NRXN3: variants seen among roughly 807,000 people sequenced by gnomAD.
NRXN3 encodes neurexin 3.
Under a neutral mutation model 137.6 loss-of-function variants are expected in NRXN3, and 32 were observed. The ratio of observed to expected loss-of-function variants is 0.23; its 90% CI spans 0.18 to 0.31. The LOEUF is 0.31. Among genes scored for constraint, NRXN3 ranks in the 10% least tolerant of loss-of-function variants. The pLI is 1.00. For synonymous variants in NRXN3, 798 were observed against 784.5 expected, an observed-to-expected ratio of 1.02 and a Z score of -0.29; for missense variants, 1,574 against 2,062.5, an observed-to-expected ratio of 0.76 and a Z score of 4.59.
chr14:78,886,324 T>C (rs1362051250), intron 10 of NRXN3, among the ~76,000 whole-genome samples: 2 of 152,134 alleles, frequency 1.3e-5, no homozygotes, highest in African/African-American at 4.8e-5. Context: ...TGTTCATTTG[T>C]CTCATCCATT....
intron 8 of NRXN3, among the ~76,000 whole-genome samples, chr14:78,765,673 G>A (rs907067366): frequency 2.0e-5 from 3 of 152,050 alleles, no homozygotes; most frequent in Non-Finnish European, 4.4e-5. Flanking sequence ...AGTAGAGTGA[G>A]TTTACTGGTT....
At chr14:78,926,916 ATAT>A (rs1160228116) in intron 10 of NRXN3, among the ~76,000 whole-genome samples, 1 of 30,516 alleles carries the variant, frequency 3.3e-5, no homozygotes, top group Non-Finnish European at 4.5e-5. Context: ...TATAATATAT[ATAT>A]AATATATAAT....
At chr14:79,379,425 C>G (rs1223246753) in intron 15 of NRXN3, among the ~76,000 whole-genome samples, 2 of 152,102 alleles carry the variant, frequency 1.3e-5, no homozygotes, top group Non-Finnish European at 2.9e-5. Context: ...TTCTGTGAGG[C>G]CTGGTTTCCT....
intron 15 of NRXN3, among the ~76,000 whole-genome samples, chr14:79,063,354 G>T (rs2099676613): frequency 6.6e-6 from 1 of 152,062 alleles, no homozygotes; most frequent in Admixed American, 6.6e-5. Context: ...CATGATCTTG[G>T]CTCACTGCAA....
chr14:79,630,767 C>A (rs1176870362), intron 16 of NRXN3, among the ~76,000 whole-genome samples: 2 of 152,184 alleles, frequency 1.3e-5, no homozygotes, highest in African/African-American at 4.8e-5. Context: ...AAAATTTAGA[C>A]CAGAGGCAAA....
intron 1 of NRXN3, among the ~76,000 whole-genome samples, chr14:78,188,783 G>T (rs12880798): frequency 6.6e-6 from 1 of 151,982 alleles, no homozygotes; most frequent in Non-Finnish European, 1.5e-5. Flanking sequence ...TACAAAATAG[G>T]AATGGCGTCA....
chr14:78,719,289 C>T (rs545671968), intron 8 of NRXN3, among the ~76,000 whole-genome samples: 15 of 152,156 alleles, frequency 9.9e-5, no homozygotes, highest in East Asian at 1.9e-4. Flanking sequence ...CAGCTGAACA[C>T]GAAGAATACA....
intron 15 of NRXN3, among the ~76,000 whole-genome samples, chr14:79,045,687 G>A (rs1230522092): frequency 6.6e-6 from 1 of 152,178 alleles, no homozygotes; most frequent in East Asian, 1.9e-4. Flanking sequence ...GAATTATGAA[G>A]GTGCCACCTG....
At chr14:78,853,371 A>G (rs549456902) in intron 10 of NRXN3, among the ~76,000 whole-genome samples, 1 of 152,028 alleles carries the variant, frequency 6.6e-6, no homozygotes, top group African/African-American at 2.4e-5. Context: ...TACATTCTTT[A>G]TTCATTCATC....
chr14:79,826,026 C>T (rs1218600647), intron 20 of NRXN3, among the ~76,000 whole-genome samples: 5 of 151,898 alleles, frequency 3.3e-5, no homozygotes, highest in South Asian at 4.1e-4. Context: ...GGGACAGTCT[C>T]ACTCTGTAAT....
At chr14:79,463,957 G>A (rs1268656301) in intron 15 of NRXN3, among the ~76,000 whole-genome samples, 2 of 152,066 alleles carry the variant, frequency 1.3e-5, no homozygotes, top group African/African-American at 4.8e-5. Context: ...ATTTGAATAT[G>A]TAAAACAAAA....
intron 4 of NRXN3, among the ~76,000 whole-genome samples, chr14:78,411,215 A>G (rs1247854709): frequency 6.6e-6 from 1 of 152,206 alleles, no homozygotes; most frequent in East Asian, 1.9e-4. Context: ...TTTTCTTCCC[A>G]CGCAGCACAT....
rs869170695 is a variant in NRXN3, at chr14:79,441,366, C to CTTTTTT, written c.3263-25829_3263-25824dup. Among the ~76,000 whole-genome samples, 271 of 67,244 alleles carry CTTTTTT rather than the reference C, an allele frequency of 4.0e-3. 45 individuals are homozygous for CTTTTTT. The East Asian group carries it at 0.044, about 11-fold the overall frequency. The allele number at this position is 67,244 out of a possible 152,430, so 44.1% of individuals were successfully genotyped here. On this transcript the variant is annotated intron_variant, in intron 15 of 20. Transcript: ENST00000335750. ...GAATATCCCTGGACAAACAGAAAAT[C>CTTTTTT]TTTTTTTTTTTTTTTTTTTTTTTTT...
chr14:78,339,559 G>A (rs2081924221), intron 4 of NRXN3, among the ~76,000 whole-genome samples: 1 of 152,152 alleles, frequency 6.6e-6, no homozygotes. Flanking sequence ...TAGCTTTGAG[G>A]TAAGGTGGTC....
chr14:78,982,450 G>C (rs185801484), intron 14 of NRXN3, among the ~76,000 whole-genome samples: 1 of 152,184 alleles, frequency 6.6e-6, no homozygotes, highest in Non-Finnish European at 1.5e-5. Context: ...CGGATGCACT[G>C]ACCAGTGGAA....
intron 10 of NRXN3, among the ~76,000 whole-genome samples, chr14:78,898,222 C>T (rs1024153005): frequency 3.3e-5 from 5 of 151,932 alleles, no homozygotes; most frequent in African/African-American, 9.6e-5. Context: ...GTTAAACTTC[C>T]GGAGAGCTCC....
chr14:78,406,693 A>C (rs1398612003), intron 4 of NRXN3, among the ~76,000 whole-genome samples: 1 of 152,108 alleles, frequency 6.6e-6, no homozygotes, highest in Non-Finnish European at 1.5e-5. Context: ...TGTTCCTGGG[A>C]ATAGATGTTT....
chr14:79,212,778 C>A (rs533690999), intron 15 of NRXN3, among the ~76,000 whole-genome samples: 1 of 150,540 alleles, frequency 6.6e-6, no homozygotes, highest in South Asian at 2.1e-4. Context: ...CTTCTCAGAG[C>A]CTTAAAAAAA....
chr14:79,405,104 A>G (rs2095284928), intron 15 of NRXN3, among the ~76,000 whole-genome samples: 1 of 152,046 alleles, frequency 6.6e-6, no homozygotes, highest in African/African-American at 2.4e-5. Flanking sequence ...TGAAATATTA[A>G]CTCTGACTAG....
Sources: gnomAD v4.1 joint callset for allele counts (sites outside exome capture counted in the v4.1 genomes callset) on GRCh38, gnomAD v4.1.1 for gene constraint, MANE v1.5 for transcripts, NCBI Gene and HGNC (gene_info 2026-07-23, HGNC 2026-07-21) for gene names.